The following LEPR variants were observed in gnomAD, a reference collection of about 807,000 sequenced individuals.
LEPR encodes the protein leptin receptor, also known as OB receptor.
A neutral mutation model predicts 114.7 loss-of-function variants in LEPR; 56 were observed. That is an observed-to-expected ratio of 0.49 (90% confidence interval 0.39 to 0.61). The LOEUF is 0.61. LEPR is among the 20% of genes least tolerant of loss of function. The pLI is 0.00. For missense variants in LEPR, 1,202 were observed against 1,352.9 expected (o/e 0.89, Z 1.75); for synonymous variants, 443 against 461.4 (o/e 0.96, Z 0.51).
intron 7 of LEPR, among the ~76,000 whole-genome samples, chr1:65,598,186 G>A (rs1216020065): frequency 2.1e-5 from 3 of 146,216 alleles, no homozygotes; most frequent in East Asian, 2.1e-4. Flanking sequence ...TACCCACTTC[G>A]GTCTCCCAAA....
intron 2 of LEPR, among the ~76,000 whole-genome samples, chr1:65,438,047 T>A (rs989201231): frequency 1.3e-5 from 2 of 151,404 alleles, no homozygotes; most frequent in African/African-American, 4.9e-5. Context: ...CCTCAAGCAA[T>A]CTTCTTGCCT....
At chr1:65,584,657 G>T (rs536625139) in intron 5 of LEPR, among the ~76,000 whole-genome samples, 1 of 151,922 alleles carries the variant, frequency 6.6e-6, no homozygotes, top group Non-Finnish European at 1.5e-5. Flanking sequence ...GAAAACAAGC[G>T]TACTAACTGA....
chr1:65,444,783 TA>T (rs1173610860), intron 2 of LEPR, among the ~76,000 whole-genome samples: 1 of 152,238 alleles, frequency 6.6e-6, no homozygotes, highest in Non-Finnish European at 1.5e-5. Flanking sequence ...TTACTTTTGC[TA>T]ACATCCTCTT....
At chr1:65,512,137 T>C (rs12065503) in intron 2 of LEPR, among the ~76,000 whole-genome samples, 31,128 of 151,968 alleles carry the variant, frequency 0.2, 3,559 homozygotes, top group Middle Eastern at 0.34. Flanking sequence ...GAGAACTCAC[T>C]CATTACAGCG....
intron 2 of LEPR, among the ~76,000 whole-genome samples, chr1:65,438,273 C>T (rs1012287610): frequency 3.3e-5 from 5 of 151,820 alleles, no homozygotes; most frequent in South Asian, 2.1e-4. Flanking sequence ...AGAGACCAGC[C>T]GGGCACGGTG....
intron 13 of LEPR, 45 bp from the exon 14 acceptor site, chr1:65,610,169 A>C: frequency 1.2e-6 from 2 of 1,614,140 alleles, no homozygotes; most frequent in Non-Finnish European, 1.7e-6. Flanking sequence ...AATATGGCTG[A>C]AAAGTATTTC....
intron 2 of LEPR, chr1:65,434,497 A>G: frequency 1.0e-6 from 1 of 985,266 alleles, no homozygotes; most frequent in Non-Finnish European, 1.2e-6. Flanking sequence ...CACAGAAACA[A>G]TACTATGAAT....
At chr1:65,453,557 C>G (rs1646819981) in intron 2 of LEPR, among the ~76,000 whole-genome samples, 1 of 152,048 alleles carries the variant, frequency 6.6e-6, no homozygotes, top group Non-Finnish European at 1.5e-5. Context: ...CATTCAGGAG[C>G]AGGTTGTTCA....
chr1:65,553,235 G>A (rs148502238), intron 2 of LEPR, among the ~76,000 whole-genome samples: 6 of 152,110 alleles, frequency 3.9e-5, no homozygotes, highest in Non-Finnish European at 7.4e-5. Flanking sequence ...TGGTGTTCTC[G>A]TATTTCTTGA....
In LEPR at chr1:65,594,966, A is replaced by C. The variant is rs1017457462; in HGVS notation, c.704-1482A>C. On this transcript the variant is annotated intron_variant, in intron 6 of 19. Transcript: ENST00000349533. ...ATATTAATGCATATTAATATTGTCA[A>C]CCTAAAATGTATGACAGATACCAAC... 3.9e-5 allele frequency among the ~76,000 whole-genome samples: 6 copies of C among 152,186 alleles called. No individual in the cohort carries two copies. In the East Asian group the frequency reaches 1.2e-3, roughly 29 times the overall value.
At chr1:65,536,761 G>T (rs1650806664) in intron 2 of LEPR, among the ~76,000 whole-genome samples, 1 of 151,580 alleles carries the variant, frequency 6.6e-6, no homozygotes, top group Non-Finnish European at 1.5e-5. Context: ...TCATACTCTG[G>T]GCTATCAAGA....
At chr1:65,598,860 C>T (rs1656255909) in intron 8 of LEPR, 56 bp downstream of exon 8, 2 of 1,610,156 alleles carry the variant, frequency 1.2e-6, no homozygotes, top group East Asian at 2.2e-5. Flanking sequence ...CTGAACTTGC[C>T]TTTGTATAGT....
chr1:65,527,392 A>C (rs1419908439), intron 2 of LEPR, among the ~76,000 whole-genome samples: 1 of 152,208 alleles, frequency 6.6e-6, no homozygotes, highest in Non-Finnish European at 1.5e-5. Context: ...CGCACACACA[A>C]AAGTGTCTAC....
intron 8 of LEPR, 80 bp downstream of exon 8, chr1:65,598,884 A>G: frequency 6.3e-7 from 1 of 1,594,854 alleles, no homozygotes; most frequent in East Asian, 2.2e-5. Context: ...AGCATCTTAC[A>G]TTTTGAGGCC....
chr1:65,620,203 A>G (rs1311749062), intron 17 of LEPR, among the ~76,000 whole-genome samples, 180 bp downstream of exon 17: 1 of 152,116 alleles, frequency 6.6e-6, no homozygotes, highest in Admixed American at 6.5e-5. Flanking sequence ...ATAAAACTGG[A>G]GCTATAGAAA....
chr1:65,532,079 A>T (rs2100623773), intron 2 of LEPR, among the ~76,000 whole-genome samples: 1 of 152,314 alleles, frequency 6.6e-6, no homozygotes, highest in Non-Finnish European at 1.5e-5. Context: ...GTATTATCTC[A>T]TTAATAGTTA....
At chr1:65,596,370 A>G (rs1424368987) in intron 6 of LEPR, 78 bp from the exon 7 acceptor site, 3 of 1,561,044 alleles carry the variant, frequency 1.9e-6, no homozygotes, top group East Asian at 4.5e-5. Context: ...ATGAAAATTT[A>G]TCTTGACTTT....
chr1:65,551,869 C>T (rs761620849), intron 2 of LEPR, among the ~76,000 whole-genome samples: 16 of 152,164 alleles, frequency 1.1e-4, no homozygotes, highest in East Asian at 5.8e-4. Context: ...CTCTAAACAC[C>T]GCTTTATATA....
chr1:65,605,342 GA>G (rs531624445), intron 11 of LEPR, 105 bp downstream of exon 11: 111 of 1,414,288 alleles, frequency 7.8e-5, no homozygotes, highest in East Asian at 3.0e-4. Flanking sequence ...ATTAGATTTT[GA>G]AAAAAAAATT....
Sources: gnomAD v4.1 joint callset for allele counts (sites outside exome capture counted in the v4.1 genomes callset) on GRCh38, gnomAD v4.1.1 for gene constraint, MANE v1.5 for transcripts, NCBI Gene and HGNC (gene_info 2026-07-23, HGNC 2026-07-21) for gene names.